The following TMEM273 variants were observed in gnomAD, a reference collection of about 807,000 sequenced individuals.
TMEM273 encodes the protein transmembrane protein 273, also known as chromosome 10 open reading frame 128.
In TMEM273, 19 loss-of-function variants were observed where a neutral mutation model predicts 17.9. That is an observed-to-expected ratio of 1.06 (90% CI 0.74 to 1.55). TMEM273 has a LOEUF of 1.55. Ranked by LOEUF, TMEM273 falls within the 40% of genes most tolerant of loss-of-function variation. The probability of loss-of-function intolerance (pLI) is 0.00; values close to 1 mark genes in which losing one functional copy is unlikely to be tolerated. For synonymous variants in TMEM273, 66 were observed against 62.0 expected (o/e 1.07, Z -0.31); for missense variants, 194 against 155.6 (o/e 1.25, Z -1.31).
chr10:49,188,254 A>T (rs766821150), intron 1 of TMEM273, 40 bp downstream of exon 1: 1 of 1,611,662 alleles, frequency 6.2e-7, no homozygotes, highest in South Asian at 1.1e-5. Flanking sequence ...CTGCCCACTG[A>T]GGCTCCCCCG....
intron 1 of TMEM273, among the ~76,000 whole-genome samples, chr10:49,170,471 T>C (rs1279133675): frequency 6.6e-6 from 1 of 152,172 alleles, no homozygotes; most frequent in Non-Finnish European, 1.5e-5. Flanking sequence ...CACCATCCTC[T>C]ATGTCCCATC....
chr10:49,173,001 C>G (rs1256300870), intron 1 of TMEM273, among the ~76,000 whole-genome samples: 1 of 152,210 alleles, frequency 6.6e-6, no homozygotes, highest in Non-Finnish European at 1.5e-5. Flanking sequence ...CCAATTCAGA[C>G]CAGTGACACC....
intron 1 of TMEM273, among the ~76,000 whole-genome samples, chr10:49,172,247 G>A (rs774068465): frequency 3.9e-5 from 6 of 152,140 alleles, no homozygotes; most frequent in African/African-American, 7.2e-5. Flanking sequence ...GGGCCCCAGT[G>A]CCTAGGAGAA....
intron 1 of TMEM273, among the ~76,000 whole-genome samples, chr10:49,175,609 C>G (rs1590229779): frequency 6.6e-6 from 1 of 152,266 alleles, no homozygotes; most frequent in East Asian, 1.9e-4. Context: ...ACTCAGCTCA[C>G]AGAAGCCAAA....
At chr10:49,175,720 C>G (rs549824745) in intron 1 of TMEM273, among the ~76,000 whole-genome samples, 88 of 152,376 alleles carry the variant, frequency 5.8e-4, no homozygotes, top group Middle Eastern at 3.4e-3. Flanking sequence ...GGGCCCCCCC[C>G]ACCTGGTGTC....
chr10:49,175,180 A>G (rs1846868559), intron 1 of TMEM273, among the ~76,000 whole-genome samples: 1 of 152,096 alleles, frequency 6.6e-6, no homozygotes, highest in South Asian at 2.1e-4. Flanking sequence ...AGGGCTAAAG[A>G]AGGAAGCTGA....
intron 1 of TMEM273, among the ~76,000 whole-genome samples, chr10:49,173,400 C>T (rs138048300): frequency 2.1e-4 from 32 of 152,352 alleles, no homozygotes; most frequent in Admixed American, 8.5e-4. Flanking sequence ...CACAGCCCCA[C>T]ACAAGCTGGA....
At chr10:49,160,774 A>G (rs996378844) in intron 6 of TMEM273, 1 of 152,210 alleles carries the variant, frequency 6.6e-6, no homozygotes, top group Non-Finnish European at 1.5e-5. Context: ...AAAAAGGCTT[A>G]TGTACACAGA....
chr10:49,170,975 A>G (rs1036386078), intron 1 of TMEM273, among the ~76,000 whole-genome samples: 2 of 152,234 alleles, frequency 1.3e-5, no homozygotes, highest in Admixed American at 6.5e-5. Flanking sequence ...CTGCTTGGAC[A>G]TCACAGCCAG....
intron 4 of TMEM273, 31 bp downstream of exon 4, chr10:49,165,735 C>T (rs1441931284): frequency 6.2e-7 from 1 of 1,613,746 alleles, no homozygotes; most frequent in African/African-American, 1.3e-5. Flanking sequence ...AACACGATAC[C>T]TCTCCCTGAC....
intron 1 of TMEM273, among the ~76,000 whole-genome samples, chr10:49,172,757 A>C (rs1784952628): frequency 1.3e-5 from 2 of 152,206 alleles, no homozygotes; most frequent in African/African-American, 2.4e-5. Flanking sequence ...GTGTGTGCAC[A>C]GAGTGAGGTG....
rs983405942 is a variant in TMEM273 at position 49,166,544 on chromosome 10, T to A, written c.238+325A>T. ...AATTTTAGTTCCTCTCCCACCTTTC[T>A]CCAGGAAATGTGATTCTCAGGACTG... On this transcript the variant is annotated intron_variant, in intron 3 of 6. Coordinates refer to ENST00000374153, the MANE Select transcript of TMEM273 (RefSeq NM_001288740.3). 2.4e-5 allele frequency: 8 copies of A among 331,826 alleles called. No homozygotes were observed. In the East Asian group the frequency reaches 4.9e-4, roughly 20 times the overall value. The allele number at this position is 331,826 out of a possible 1,614,324, so 20.6% of individuals were successfully genotyped here.
chr10:49,173,375 G>C (rs1009491693), intron 1 of TMEM273, among the ~76,000 whole-genome samples: 8 of 152,348 alleles, frequency 5.3e-5, no homozygotes, highest in Admixed American at 6.5e-5. Context: ...TGGCTGTGAA[G>C]GAGGAGCTAT....
chr10:49,163,003 G>A (rs114299953), intron 5 of TMEM273, among the ~76,000 whole-genome samples: 57 of 152,316 alleles, frequency 3.7e-4, no homozygotes, highest in African/African-American at 1.3e-3. Flanking sequence ...TGCTGCCCTT[G>A]GGTCAGCGGG....
chr10:49,155,415 C>A lies in TMEM273; in HGVS notation c.*477G>T, dbSNP rs146551999. 305 of 180,190 alleles carry A rather than the reference C, an allele frequency of 1.7e-3. 1 individual carries two copies. The highest frequency in any genetic ancestry group is 7.1e-3 in the African/African-American group (297 of 42,036). 11.2% of individuals were successfully genotyped at this position (180,190 alleles called of 1,614,324 possible). On this transcript the variant is annotated 3_prime_UTR_variant, in exon 7 of 7. Transcript: ENST00000374153. ...CAGGACTCCCGAATCTTCACATAGT[C>A]CATCTTTAAGAAGGGATCTCCTGGC... is the stretch of plus-strand genomic sequence containing the variant.
chr10:49,163,631 G>C (rs1357456113), intron 5 of TMEM273, among the ~76,000 whole-genome samples: 1 of 152,160 alleles, frequency 6.6e-6, no homozygotes, highest in Non-Finnish European at 1.5e-5. Flanking sequence ...TATATATCCT[G>C]TCTTCTCCAG....
chr10:49,179,285 G>A (rs573260137), intron 1 of TMEM273, among the ~76,000 whole-genome samples: 1 of 152,380 alleles, frequency 6.6e-6, no homozygotes, highest in East Asian at 1.9e-4. Context: ...TGCTGAGTAT[G>A]TGTTGGCCTG....
At position 49,172,374 on chromosome 10, in the gene TMEM273, C is replaced by T. The variant is rs189091776; in HGVS notation, c.44-4412G>A. On this transcript the variant is annotated intron_variant, in intron 1 of 6. Coordinates refer to ENST00000374153, the MANE Select transcript of TMEM273 (RefSeq NM_001288740.3). ...GTCACAGGCAAAGCTCAGCGCCTTCCCCAAGCCTCAGTCTCACAAGCTGGA... is the reference window on the plus strand; with the variant it reads ...GTCACAGGCAAAGCTCAGCGCCTTCTCCAAGCCTCAGTCTCACAAGCTGGA... 2.2e-3 allele frequency among the ~76,000 whole-genome samples: 334 copies of T among 152,246 alleles called. 1 individual carries two copies. The highest frequency in any genetic ancestry group is 6.8e-3 in the Middle Eastern group (2 of 294).
At chr10:49,175,189 G>A (rs951734661) in intron 1 of TMEM273, among the ~76,000 whole-genome samples, 10 of 152,124 alleles carry the variant, frequency 6.6e-5, no homozygotes, top group African/African-American at 2.4e-4. Context: ...GAAGGAAGCT[G>A]AGCAGGGTCA....
Sources: allele counts gnomAD v4.1 joint callset (sites outside exome capture counted in the v4.1 genomes callset), GRCh38; gene constraint gnomAD v4.1.1; transcripts MANE v1.5; gene names NCBI Gene and HGNC (gene_info 2026-07-23, HGNC 2026-07-21).